The following RASGRF1 variants were observed in gnomAD, a reference collection of about 807,000 sequenced individuals.
RASGRF1 encodes the protein Ras protein specific guanine nucleotide releasing factor 1, also known as ras-specific guanine nucleotide-releasing factor 1.
Under a neutral mutation model 138.7 loss-of-function variants are expected in RASGRF1, and 40 were observed. That is an observed-to-expected ratio of 0.29 (90% CI 0.22 to 0.38). RASGRF1 has a LOEUF of 0.38. Among genes scored for constraint, RASGRF1 ranks in the 10% least tolerant of loss-of-function variants. The pLI is 1.00. For synonymous variants in RASGRF1, 614 were observed against 663.2 expected (o/e 0.93, Z 1.14); for missense variants, 1,108 against 1,650.4 (o/e 0.67, Z 5.69).
chr15:79,062,399 C>T (rs1048486758), intron 2 of RASGRF1, among the ~76,000 whole-genome samples: 12 of 152,208 alleles, frequency 7.9e-5, no homozygotes, highest in African/African-American at 2.9e-4. Flanking sequence ...GATCATGCTA[C>T]TCCCCTTGTA....
intron 8 of RASGRF1, among the ~76,000 whole-genome samples, chr15:79,030,888 C>T (rs1056593887): frequency 6.6e-6 from 1 of 152,236 alleles, no homozygotes; most frequent in Non-Finnish European, 1.5e-5. Context: ...AAGCTTCCCT[C>T]TGGGCTTCAG....
intron 10 of RASGRF1, among the ~76,000 whole-genome samples, chr15:79,024,768 T>C (rs2057020770): frequency 6.6e-6 from 1 of 152,158 alleles, no homozygotes; most frequent in African/African-American, 2.4e-5. Context: ...TGTGAACCCA[T>C]TAAACCTCTT....
chr15:78,991,523 A>G (rs2056266344), intron 21 of RASGRF1, among the ~76,000 whole-genome samples, 168 bp downstream of exon 21: 1 of 152,180 alleles, frequency 6.6e-6, no homozygotes, highest in South Asian at 2.1e-4. Flanking sequence ...TTTGGTGGGC[A>G]GGAACGGGAA....
chr15:79,077,348 A>G (rs1057034017), intron 1 of RASGRF1, among the ~76,000 whole-genome samples: 1 of 151,952 alleles, frequency 6.6e-6, no homozygotes, highest in African/African-American at 2.4e-5. Flanking sequence ...AATATTACTC[A>G]CCTCATGGGG....
chr15:79,049,881 C>G (rs1039255669), intron 3 of RASGRF1, among the ~76,000 whole-genome samples: 1 of 152,222 alleles, frequency 6.6e-6, no homozygotes, highest in African/African-American at 2.4e-5. Context: ...GCTCTCGGGG[C>G]TGTAGCCACC....
intron 6 of RASGRF1, 149 bp downstream of exon 6, chr15:79,034,982 C>T (rs2057197946): frequency 3.6e-6 from 2 of 555,284 alleles, no homozygotes; most frequent in South Asian, 3.5e-5. Context: ...GCCAACTTGT[C>T]TTTTCTCTTC....
chr15:79,031,884 C>T (rs558786794), intron 7 of RASGRF1, among the ~76,000 whole-genome samples: 4 of 152,092 alleles, frequency 2.6e-5, no homozygotes, highest in African/African-American at 9.7e-5. Context: ...GTCTAGGGCT[C>T]TGCTCTGGCT....
chr15:79,031,249 G>C, intron 8 of RASGRF1, 151 bp downstream of exon 8: 1 of 629,730 alleles, frequency 1.6e-6, no homozygotes. Flanking sequence ...CACTCCAGGG[G>C]CCTCTGCTTT....
At chr15:78,991,546 C>T (rs1052732067) in intron 21 of RASGRF1, 145 bp downstream of exon 21, 2 of 631,028 alleles carry the variant, frequency 3.2e-6, no homozygotes, top group African/African-American at 3.6e-5. Flanking sequence ...GGCTTCTCTC[C>T]CTCATTCTGC....
intron 20 of RASGRF1, among the ~76,000 whole-genome samples, chr15:78,994,258 T>A (rs3784533): frequency 0.43 from 65,597 of 152,156 alleles, 14,919 homozygotes; most frequent in African/African-American, 0.56. Context: ...TCCCTGCCTG[T>A]GGACCACGTG....
intron 13 of RASGRF1, among the ~76,000 whole-genome samples, chr15:79,007,175 T>C (rs1485741426): frequency 6.6e-6 from 1 of 152,254 alleles, no homozygotes; most frequent in Non-Finnish European, 1.5e-5. Context: ...CCAGTGCAGT[T>C]AGCCAGAACA....
Position 79,032,346 on chromosome 15 carries a change from T to C in RASGRF1, c.959-30A>G, listed in dbSNP as rs1214087959. On this transcript the variant is annotated intron_variant, in intron 6 of 26. Coordinates refer to ENST00000558480, the MANE Select transcript of RASGRF1 (RefSeq NM_001145648.3). This position sits in a 1 kb window ranked among gnomAD's most constrained non-coding sequence, Gnocchi z 4.5. ...AAGGACGAGGCAGTCAGCGGGTGGCTAGGGCAGCTTGGTGGGGACAGAATC... is the reference window on the plus strand; with the variant it reads ...AAGGACGAGGCAGTCAGCGGGTGGCCAGGGCAGCTTGGTGGGGACAGAATC... 1.2e-6 allele frequency: 2 copies of C among 1,607,464 alleles called. No homozygotes were observed. Among genetic ancestry groups the C allele is most frequent in the South Asian group, 1.1e-5 (1 of 90,252 alleles).
In RASGRF1 at chr15:79,027,189, C is replaced by T. The variant is rs1429399931; in HGVS notation, c.1381+552G>A. On this transcript the variant is annotated intron_variant, in intron 9 of 26. Coordinates refer to ENST00000558480, the MANE Select transcript of RASGRF1 (RefSeq NM_001145648.3). The surrounding 1 kb of genome is among the most constrained non-coding windows in gnomAD (Gnocchi z 4.8). Reference sequence around the variant, plus strand: ...TCCCCTGAGCCACAGAGAGCCTTCACCCACCCCTCTCAACGGGGCCGTGCC... The same window carrying T: ...TCCCCTGAGCCACAGAGAGCCTTCATCCACCCCTCTCAACGGGGCCGTGCC... Among the ~76,000 whole-genome samples, 1 of 152,168 alleles carries T rather than the reference C, an allele frequency of 6.6e-6. No homozygotes were observed. The highest frequency in any genetic ancestry group is 1.5e-5 in the Non-Finnish European group (1 of 68,032).
chr15:78,963,388 G>T (rs2055584975), intron 26 of RASGRF1, among the ~76,000 whole-genome samples: 1 of 151,732 alleles, frequency 6.6e-6, no homozygotes, highest in African/African-American at 2.4e-5. Context: ...TGCAACCTCT[G>T]CCTCCCGGGT....
At chr15:78,966,735 T>C (rs574921070) in intron 26 of RASGRF1, among the ~76,000 whole-genome samples, 25 of 152,254 alleles carry the variant, frequency 1.6e-4, no homozygotes, top group African/African-American at 4.3e-4. Context: ...TCTCTAGAGA[T>C]AGCCATTTTC....
intron 5 of RASGRF1, among the ~76,000 whole-genome samples, chr15:79,043,746 C>T (rs929375394): frequency 6.6e-6 from 1 of 152,178 alleles, no homozygotes; most frequent in African/African-American, 2.4e-5. Flanking sequence ...GTGGAGGATG[C>T]CACTCATCTT....
At chr15:79,004,490 A>AC (rs1002841404) in intron 14 of RASGRF1, among the ~76,000 whole-genome samples, 13 of 149,300 alleles carry the variant, frequency 8.7e-5, no homozygotes, top group Non-Finnish European at 1.5e-4. Context: ...ACTGTGCAAA[A>AC]CCCCCCTCCA....
At chr15:79,082,066 C>A (rs189059443) in intron 1 of RASGRF1, among the ~76,000 whole-genome samples, 1 of 152,296 alleles carries the variant, frequency 6.6e-6, no homozygotes, top group Admixed American at 6.5e-5. Flanking sequence ...ACCATAAAAC[C>A]TCTCTTCAGC....
intron 10 of RASGRF1, among the ~76,000 whole-genome samples, chr15:79,024,378 C>A (rs1567536864): frequency 6.6e-6 from 1 of 151,874 alleles, no homozygotes; most frequent in Non-Finnish European, 1.5e-5. Flanking sequence ...CATACACACA[C>A]TATACACAAA....
Sources: allele counts gnomAD v4.1 joint callset (sites outside exome capture counted in the v4.1 genomes callset), GRCh38; gene constraint gnomAD v4.1.1; non-coding constraint Gnocchi (gnomAD v3.1); transcripts MANE v1.5; gene names NCBI Gene and HGNC (gene_info 2026-07-23, HGNC 2026-07-21).